The following DNAAF4 variants were observed in gnomAD, a reference collection of about 807,000 sequenced individuals.
DNAAF4 encodes dynein axonemal assembly factor 4, also known as dynein assembly factor 4, axonemal.
In DNAAF4, 43 loss-of-function variants were observed where a neutral mutation model predicts 51.8. The observed-to-expected ratio is 0.83, with a 90% CI of 0.65 to 1.07. The LOEUF is 1.07. Ranked by LOEUF, DNAAF4 falls within the 50% of genes least tolerant of loss-of-function variation. The probability of loss-of-function intolerance (pLI) is 0.00; values close to 1 mark genes in which losing one functional copy is unlikely to be tolerated. For synonymous variants in DNAAF4, 194 were observed against 165.6 expected, an observed-to-expected ratio of 1.17 and a Z score of -1.32; for missense variants, 581 against 493.0, an observed-to-expected ratio of 1.18 and a Z score of -1.69.
rs188980803 is a variant in DNAAF4 at position 55,441,251 on chromosome 15, T to G, written c.784-1670A>C. On this transcript the variant is annotated intron_variant, in intron 6 of 9. Transcript: ENST00000321149. ...CATGCCCGGCCAGTTTTTGTATTTT[T>G]AGTAGAGACGGGGTTTCACCATATT... Among the ~76,000 whole-genome samples the G allele has an allele frequency of 1.1e-3, 167 of 150,988 alleles. 1 individual carries two copies. The highest frequency in any genetic ancestry group is 3.8e-3 in the African/African-American group (158 of 41,102).
At chr15:55,504,037 G>T (rs2058713528) in intron 1 of DNAAF4, among the ~76,000 whole-genome samples, 1 of 152,132 alleles carries the variant, frequency 6.6e-6, no homozygotes, top group Admixed American at 6.6e-5. Context: ...CATAGCCTCA[G>T]CCCAAAATCT....
downstream of DNAAF4, among the ~76,000 whole-genome samples, chr15:55,428,279 CTAA>C (rs925407045): frequency 2.6e-5 from 4 of 151,804 alleles, no homozygotes; most frequent in African/African-American, 9.7e-5. Flanking sequence ...AATCTTGTGG[CTAA>C]TGTTAGTCCT....
chr15:55,441,534 G>C (rs2057713506), intron 6 of DNAAF4, among the ~76,000 whole-genome samples: 1 of 151,916 alleles, frequency 6.6e-6, no homozygotes, highest in Non-Finnish European at 1.5e-5. Flanking sequence ...ATTTACATTA[G>C]GTGTATCTCC....
intron 6 of DNAAF4, 39 bp from the exon 7 acceptor site, chr15:55,439,620 C>CT (rs771577540): frequency 2.0e-5 from 31 of 1,551,158 alleles, no homozygotes; most frequent in Non-Finnish European, 2.5e-5. Flanking sequence ...ATAAAAAGGT[C>CT]TTTTTTTAAT....
At chr15:55,472,119 C>T (rs1462578518) in intron 4 of DNAAF4, among the ~76,000 whole-genome samples, 3 of 152,134 alleles carry the variant, frequency 2.0e-5, no homozygotes, top group African/African-American at 7.2e-5. Context: ...GGATTACAGG[C>T]GTGAGCCACC....
intron 4 of DNAAF4, among the ~76,000 whole-genome samples, chr15:55,468,664 A>G (rs1370839713): frequency 6.6e-6 from 1 of 152,190 alleles, no homozygotes; most frequent in Non-Finnish European, 1.5e-5. Context: ...GAATATGTGG[A>G]GAGTCAGACA....
exon 8 of DNAAF4, chr15:55,417,920 C>A: frequency 2.0e-6 from 1 of 501,836 alleles, no homozygotes; most frequent in Non-Finnish European, 3.5e-6. Context: ...GGGCAGGGGT[C>A]ACAAGGTGCT....
At chr15:55,498,942 AAG>A (rs1339525807) in intron 1 of DNAAF4, among the ~76,000 whole-genome samples, 3 of 139,928 alleles carry the variant, frequency 2.1e-5, no homozygotes, top group African/African-American at 1.0e-4. Flanking sequence ...AAAAGAAAGA[AAG>A]AAAAAAAAAA....
At chr15:55,430,867 A>T in intron 9 of DNAAF4, 88 bp from the exon 10 acceptor site, 1 of 1,053,048 alleles carries the variant, frequency 9.5e-7, no homozygotes, top group African/African-American at 1.6e-5. Context: ...AAATAAAAAT[A>T]ATCACTAGTA....
chr15:55,422,760 G>A (rs564176043), intron 7 of DNAAF4, among the ~76,000 whole-genome samples: 48 of 152,308 alleles, frequency 3.2e-4, no homozygotes, highest in Non-Finnish European at 5.7e-4. Flanking sequence ...ACTTTGGGAG[G>A]CTGAGGTGGG....
At chr15:55,449,695 G>GTT (rs1195492282) in intron 6 of DNAAF4, among the ~76,000 whole-genome samples, 5,273 of 35,010 alleles carry the variant, frequency 0.15, 206 homozygotes, top group South Asian at 0.3. Flanking sequence ...CAAAAAGACC[G>GTT]CTTTTTTTTT....
rs147149511 is a variant in DNAAF4, at chr15:55,439,503, T to G, written c.862A>C (p.Lys288Gln). 1 of 1,614,126 alleles carries G rather than the reference T, an allele frequency of 6.2e-7. No individual in the cohort carries two copies. The highest frequency in any genetic ancestry group is 1.1e-5 in the South Asian group (1 of 91,074). Residue 288 changes from lysine to glutamine, a missense_variant, in exon 7 of 10, where the codon AAG (lysine) becomes CAG (glutamine). Physicochemically the swap from Lys to Gln is moderately conservative, Grantham distance 53. Coordinates refer to ENST00000321149, the MANE Select transcript of DNAAF4 (RefSeq NM_130810.4). ...TTATCCTTCAACCATTCTGGGTTCT[T>G]TTCTTCTTCTTTTAAATCGCAAAGT... is the stretch of plus-strand genomic sequence containing the variant. The part of the protein sequence containing the change: ...AELCDLKEEE[K>Q]NPEWLKDKGN...
chr15:55,453,047 G>C (rs917560820), intron 5 of DNAAF4, among the ~76,000 whole-genome samples: 4 of 151,976 alleles, frequency 2.6e-5, no homozygotes, highest in African/African-American at 9.7e-5. Flanking sequence ...GGCTGGTCTC[G>C]AACTCCTGAT....
chr15:55,490,997 A>G, intron 4 of DNAAF4, 126 bp downstream of exon 4: 1 of 1,114,460 alleles, frequency 9.0e-7, no homozygotes, highest in Non-Finnish European at 1.3e-6. Context: ...CAGTCTATAT[A>G]ACATAGTAAG....
At chr15:55,489,071 TAA>T (rs1442563759) in intron 4 of DNAAF4, among the ~76,000 whole-genome samples, 34 of 147,326 alleles carry the variant, frequency 2.3e-4, no homozygotes, top group Non-Finnish European at 4.0e-4. Flanking sequence ...CCTGGGCGAC[TAA>T]GCAAGACTCC....
intron 3 of DNAAF4, among the ~76,000 whole-genome samples, chr15:55,493,363 T>A (rs1002026887): frequency 6.6e-6 from 1 of 152,194 alleles, no homozygotes; most frequent in South Asian, 2.1e-4. Context: ...TAAGTAAAAG[T>A]GTGTAATTTT....
intron 6 of DNAAF4, among the ~76,000 whole-genome samples, chr15:55,444,536 T>C (rs548472334): frequency 6.6e-6 from 1 of 152,348 alleles, no homozygotes. Flanking sequence ...GGTTCTTTTT[T>C]GGTTCCATAT....
intron 7 of DNAAF4, among the ~76,000 whole-genome samples, chr15:55,436,166 A>G (rs73408825): frequency 0.17 from 25,302 of 152,046 alleles, 3,989 homozygotes; most frequent in African/African-American, 0.42. Flanking sequence ...AACAGTGCAC[A>G]GGATTCTAAT....
chr15:55,419,020 G>A (rs1325245893), intron 7 of DNAAF4, among the ~76,000 whole-genome samples: 4 of 149,002 alleles, frequency 2.7e-5, no homozygotes, highest in African/African-American at 7.4e-5. Context: ...AGGTTCAAGC[G>A]ATTTTCCTGC....
Sources: gnomAD v4.1 joint callset for allele counts (sites outside exome capture counted in the v4.1 genomes callset) on GRCh38, gnomAD v4.1.1 for gene constraint, MANE v1.5 for transcripts, NCBI Gene and HGNC (gene_info 2026-07-23, HGNC 2026-07-21) for gene names.